GALNTL6: variants seen among roughly 807,000 people sequenced by gnomAD.
GALNTL6 encodes the protein polypeptide N-acetylgalactosaminyltransferase-like 6.
Under a neutral mutation model 73.7 loss-of-function variants are expected in GALNTL6, and 46 were observed. The ratio of observed to expected loss-of-function variants is 0.62; its 90% CI spans 0.49 to 0.80. The LOEUF (loss-of-function observed/expected upper bound fraction) is 0.80. GALNTL6 is among the 30% of genes least tolerant of loss of function. GALNTL6 has a pLI of 0.00. For synonymous variants in GALNTL6, 259 were observed against 263.7 expected (o/e 0.98, Z 0.17); for missense variants, 604 against 755.0 (o/e 0.80, Z 2.34).
chr4:172,543,956 A>G (rs1213571067), intron 5 of GALNTL6, among the ~76,000 whole-genome samples: 2 of 152,226 alleles, frequency 1.3e-5, no homozygotes, highest in East Asian at 3.9e-4. Flanking sequence ...TATGAAATAG[A>G]TACAACTACC....
At chr4:172,567,464 C>T (rs1055088449) in intron 5 of GALNTL6, among the ~76,000 whole-genome samples, 17 of 152,150 alleles carry the variant, frequency 1.1e-4, no homozygotes, top group Admixed American at 9.2e-4. Flanking sequence ...TTTCACAAAA[C>T]AGCTTGCTTA....
At chr4:172,832,793 C>G (rs1322588385) in intron 7 of GALNTL6, among the ~76,000 whole-genome samples, 1 of 152,164 alleles carries the variant, frequency 6.6e-6, no homozygotes, top group Non-Finnish European at 1.5e-5. Flanking sequence ...TCTCGTCTCT[C>G]TCTCCTATCT....
chr4:172,671,257 TG>T (rs1317172439), intron 5 of GALNTL6, among the ~76,000 whole-genome samples: 6 of 152,204 alleles, frequency 3.9e-5, no homozygotes, highest in Admixed American at 6.5e-5. Flanking sequence ...GCCATTTTTA[TG>T]ATATTGATTC....
chr4:172,939,088 G>A (rs1426847399), intron 9 of GALNTL6, among the ~76,000 whole-genome samples: 1 of 152,158 alleles, frequency 6.6e-6, no homozygotes, highest in Non-Finnish European at 1.5e-5. Context: ...AGGATCACTT[G>A]AGAACAGGCT....
chr4:172,054,808 C>T (rs183888862), intron 2 of GALNTL6, among the ~76,000 whole-genome samples: 7 of 152,262 alleles, frequency 4.6e-5, no homozygotes, highest in African/African-American at 1.7e-4. Context: ...TGTCCAACTA[C>T]TGAACTTCGA....
chr4:172,018,450 G>A (rs1452456612), intron 2 of GALNTL6, among the ~76,000 whole-genome samples: 2 of 152,042 alleles, frequency 1.3e-5, no homozygotes, highest in Admixed American at 1.3e-4. Context: ...GGGGAGTATG[G>A]CTGCCTCTGC....
intron 5 of GALNTL6, among the ~76,000 whole-genome samples, chr4:172,766,702 A>G (rs991643659): frequency 2.6e-5 from 4 of 152,208 alleles, no homozygotes; most frequent in Non-Finnish European, 5.9e-5. Flanking sequence ...AGTTTCTTTT[A>G]GTGCAATTGT....
At chr4:172,227,587 C>T (rs1736912273) in intron 2 of GALNTL6, among the ~76,000 whole-genome samples, 1 of 152,164 alleles carries the variant, frequency 6.6e-6, no homozygotes, top group East Asian at 1.9e-4. Flanking sequence ...TAAAGTGTCC[C>T]CAGTTTTTAC....
chr4:172,623,420 G>T (rs563017649), intron 5 of GALNTL6, among the ~76,000 whole-genome samples: 5 of 151,834 alleles, frequency 3.3e-5, no homozygotes, highest in Non-Finnish European at 7.4e-5. Flanking sequence ...GTAGAATGGA[G>T]GAAGAAAAGG....
At chr4:173,035,631 G>T (rs1248232208) in intron 12 of GALNTL6, among the ~76,000 whole-genome samples, 3 of 152,158 alleles carry the variant, frequency 2.0e-5, no homozygotes, top group Non-Finnish European at 4.4e-5. Context: ...TGTGATTAAT[G>T]TTATCTTCTA....
At chr4:172,617,896 T>C (rs1738802434) in intron 5 of GALNTL6, among the ~76,000 whole-genome samples, 1 of 152,204 alleles carries the variant, frequency 6.6e-6, no homozygotes, top group Non-Finnish European at 1.5e-5. Flanking sequence ...GCTGCTATTA[T>C]AATGTGACAA....
chr4:172,293,496 T>A (rs1739544453), intron 3 of GALNTL6, among the ~76,000 whole-genome samples: 1 of 152,106 alleles, frequency 6.6e-6, no homozygotes, highest in African/African-American at 2.4e-5. Flanking sequence ...TTTATGTATA[T>A]TTCTTTTCAA....
intron 5 of GALNTL6, among the ~76,000 whole-genome samples, chr4:172,537,850 G>A (rs941331140): frequency 1.3e-5 from 2 of 152,164 alleles, no homozygotes; most frequent in Non-Finnish European, 2.9e-5. Flanking sequence ...CTACTCAGAA[G>A]TAATCAGGCA....
Position 173,009,249 on chromosome 4 carries a change from C to T in GALNTL6, c.1443C>T (p.Asp481=). Residue 481 remains aspartate, a synonymous_variant, in exon 11 of 13, where the codon GAC becomes GAT. Transcript: ENST00000506823. ...CCACCGGAACAGAGCTGAGGCTGGA[C>T]ATCTGTGTCAAGGATGGTTCTGAAA... The part of the protein sequence containing the change: ...HGATGTELRL[D]ICVKDGSERT... 1 of 1,613,922 alleles carries T rather than the reference C, an allele frequency of 6.2e-7. No individual in the cohort carries two copies. Among genetic ancestry groups the T allele is most frequent in the African/African-American group, 1.3e-5 (1 of 75,044 alleles).
chr4:172,408,509 A>G (rs1319142176), intron 5 of GALNTL6, among the ~76,000 whole-genome samples: 1 of 152,056 alleles, frequency 6.6e-6, no homozygotes, highest in Non-Finnish European at 1.5e-5. Context: ...TATGTGTGAC[A>G]TAAATATAAA....
At chr4:172,115,411 A>T (rs2110986979) in intron 2 of GALNTL6, among the ~76,000 whole-genome samples, 1 of 152,292 alleles carries the variant, frequency 6.6e-6, no homozygotes, top group Non-Finnish European at 1.5e-5. Context: ...AGCTTAGTGA[A>T]GATGATGTAA....
intron 5 of GALNTL6, among the ~76,000 whole-genome samples, chr4:172,426,108 G>A (rs1224379076): frequency 1.3e-5 from 2 of 151,878 alleles, no homozygotes; most frequent in African/African-American, 2.4e-5. Flanking sequence ...TCTTCCTTTG[G>A]CATGATTATA....
chr4:172,444,209 A>T (rs527562417), intron 5 of GALNTL6, among the ~76,000 whole-genome samples: 2 of 152,368 alleles, frequency 1.3e-5, no homozygotes, highest in South Asian at 2.1e-4. Flanking sequence ...TGTTTAGGTT[A>T]TGACTTCTCA....
chr4:172,565,059 A>G (rs1043323149), intron 5 of GALNTL6, among the ~76,000 whole-genome samples: 1 of 152,216 alleles, frequency 6.6e-6, no homozygotes, highest in African/African-American at 2.4e-5. Flanking sequence ...ACCCTGCTCC[A>G]CAGATGGTGC....
Sources: allele counts gnomAD v4.1 joint callset (sites outside exome capture counted in the v4.1 genomes callset), GRCh38; gene constraint gnomAD v4.1.1; transcripts MANE v1.5; gene names NCBI Gene and HGNC (gene_info 2026-07-23, HGNC 2026-07-21).